Variants in KIF12 observed in about 807,000 individuals in gnomAD.
KIF12 encodes the protein kinesin-like protein KIF12.
Under a neutral mutation model 87.9 loss-of-function variants are expected in KIF12, and 80 were observed. The observed-to-expected ratio is 0.91, with a 90% CI of 0.76 to 1.10. The LOEUF is 1.10. Ranked by LOEUF, KIF12 falls within the 50% of genes least tolerant of loss-of-function variation. The probability of loss-of-function intolerance (pLI) is 0.00; values close to 1 mark genes in which losing one functional copy is unlikely to be tolerated. For missense variants in KIF12, 819 were observed against 865.3 expected (o/e 0.95, Z 0.67); for synonymous variants, 353 against 348.5 (o/e 1.01, Z -0.14).
At chr9:114,099,207 G>A (rs1266332294) in intron 1 of KIF12, 38 bp from the exon 2 acceptor site, 3 of 1,550,908 alleles carry the variant, frequency 1.9e-6, no homozygotes, top group Middle Eastern at 1.7e-4. Flanking sequence ...CCTGCACCTA[G>A]CGGCTGTTCA....
Position 114,092,602 on chromosome 9 carries a change from G to C in KIF12, c.1637C>G (p.Ala546Gly). The C allele has an allele frequency of 2.5e-6, 4 of 1,601,756 alleles. No individual in the cohort carries two copies. Among genetic ancestry groups the C allele is most frequent in the Non-Finnish European group, 3.4e-6 (4 of 1,176,358 alleles). Residue 546 changes from alanine to glycine, a missense_variant, in exon 17 of 19, where the codon GCC (alanine) becomes GGC (glycine). Physicochemically the swap from Ala to Gly is moderately conservative, Grantham distance 60. Transcript: ENST00000640217. The stretch of plus-strand genomic sequence containing the variant: ...TGGGGGTGCCCAGGGTGGGGGCCGG[G>C]CAGATGGGGGCCTGCCACCTGAGGC... ...PEASGGRPPS[A>G]RPPPWAPPCS... is the part of the protein sequence containing the mutation.
chr9:114,095,988 G>A, intron 9 of KIF12, 63 bp downstream of exon 9: 1 of 1,522,918 alleles, frequency 6.6e-7, no homozygotes, highest in Non-Finnish European at 8.9e-7. Flanking sequence ...CCCCACTGTG[G>A]AGAGCTGTGA....
rs35719524 is a variant in KIF12, at chr9:114,094,201, C to A, written c.1293G>T (p.Met431Ile). ...RNLYGMLQEFMLENERLRKEK... is the reference protein window; with the variant it reads ...RNLYGMLQEFILENERLRKEK... ...CCTACCTGAGCCTCTCATTCTCTAG[C>A]ATGAACTCCTGTAGCATCCCGTACA... The change falls in exon 13 of 19, where the codon ATG becomes ATT. Residue 431 changes from methionine (M) to isoleucine (I), a missense_variant. Met to Ile is a conservative substitution (Grantham distance 10). Coordinates refer to ENST00000640217, the MANE Select transcript of KIF12 (RefSeq NM_001388308.1). 0.16 allele frequency: 262,085 copies of A among 1,613,070 alleles called. 22,766 individuals carry two copies. Among genetic ancestry groups the A allele is most frequent in the Non-Finnish European group, 0.18 (213,766 of 1,179,358 alleles).
At chr9:114,098,857 A>G (rs1847361709) in intron 3 of KIF12, 78 bp downstream of exon 3, 2 of 1,487,836 alleles carry the variant, frequency 1.3e-6, no homozygotes, top group Admixed American at 2.0e-5. Flanking sequence ...CGCGGGGCCT[A>G]GGGCAAAGTT....
intron 7 of KIF12, 123 bp from the exon 8 acceptor site, chr9:114,096,601 G>T (rs1182688937): frequency 6.3e-6 from 5 of 790,340 alleles, no homozygotes; most frequent in Non-Finnish European, 1.1e-5. Flanking sequence ...GGAGGCAACA[G>T]AGTGGGTGTT....
Position 114,093,003 on chromosome 9 carries a change from G to A in KIF12, c.1596+226C>T, listed in dbSNP as rs41305479. 1.0e-3 allele frequency: 1,365 copies of A among 1,308,236 alleles called. 5 individuals are homozygous for A. Among genetic ancestry groups the A allele is most frequent in the Middle Eastern group, 5.7e-3 (21 of 3,682 alleles). The allele number at this position is 1,308,236 out of a possible 1,614,324, so 81.0% of individuals were successfully genotyped here. A position where few individuals can be genotyped will look rare whatever the true frequency, so the allele number is the denominator to read the frequency against. ...AGTAGATATGTGAGTGAATGAATAAGTGAATGACAGAATGAATTCCTGGCC... is the reference window on the plus strand; with the variant it reads ...AGTAGATATGTGAGTGAATGAATAAATGAATGACAGAATGAATTCCTGGCC... On this transcript the variant is annotated intron_variant, in intron 16 of 18. Coordinates refer to ENST00000640217, the MANE Select transcript of KIF12 (RefSeq NM_001388308.1).
At chr9:114,097,778 C>T in intron 5 of KIF12, 37 bp from the exon 6 acceptor site, 1 of 1,595,670 alleles carries the variant, frequency 6.3e-7, no homozygotes, top group Non-Finnish European at 8.5e-7. Context: ...GTCATCTCCA[C>T]AGTAATAACT....
At chr9:114,094,000 G>T in intron 13 of KIF12, 28 bp from the exon 14 acceptor site, 1 of 1,594,280 alleles carries the variant, frequency 6.3e-7, no homozygotes, top group Non-Finnish European at 8.6e-7. Context: ...CCAGGAAGGG[G>T]TAGGAAATGG....
intron 16 of KIF12, 97 bp downstream of exon 16, chr9:114,093,132 G>T (rs1295388447): frequency 4.8e-6 from 6 of 1,250,582 alleles, no homozygotes; most frequent in Non-Finnish European, 5.7e-6. Context: ...GATCTAGCCT[G>T]CAGCCCTGGA....
In KIF12 at chr9:114,094,396, C is replaced by T. The variant is rs775047921; in HGVS notation, c.1179G>A (p.Glu393=). ...LETEMLQLQE[E]NRRLQFQLDQ... is the part of the protein sequence containing the mutation. The stretch of plus-strand genomic sequence containing the variant: ...CCAGCTGGAACTGCAGGCGACGGTT[C>T]TCCTCCTGGAGCTGCAGCATCTCTG... The change falls in exon 12 of 19, where the codon GAG becomes GAA. Residue 393 remains glutamate, a synonymous_variant. Coordinates refer to ENST00000640217, the MANE Select transcript of KIF12 (RefSeq NM_001388308.1). The T allele has an allele frequency of 1.2e-5, 20 of 1,613,974 alleles. No individual in the cohort carries two copies. The East Asian group carries it at 4.0e-4, about 32-fold the overall frequency.
intron 3 of KIF12, among the ~76,000 whole-genome samples, 163 bp from the exon 4 acceptor site, chr9:114,098,592 C>G (rs1355928482): frequency 1.5e-5 from 1 of 65,984 alleles, no homozygotes; most frequent in East Asian, 4.4e-4. Context: ...GTGAGGCACT[C>G]GGTGGGCGAG....
intron 7 of KIF12, 34 bp downstream of exon 7, chr9:114,097,267 C>G: frequency 6.2e-7 from 1 of 1,600,938 alleles, no homozygotes. Context: ...AATGGGCACC[C>G]CTACCCGCAA....
chr9:114,098,911 G>A, intron 3 of KIF12, 24 bp downstream of exon 3: 5 of 1,542,926 alleles, frequency 3.2e-6, no homozygotes, highest in Non-Finnish European at 4.4e-6. Context: ...TTTTATTGGG[G>A]AGATAGAGAG....
At chr9:114,094,030 T>C (rs1438024167) in intron 13 of KIF12, 58 bp from the exon 14 acceptor site, 8 of 1,500,694 alleles carry the variant, frequency 5.3e-6, no homozygotes, top group South Asian at 3.4e-5. Context: ...GGGGCATCAG[T>C]CAGCTCCTCC....
rs370929774 is a variant in KIF12 at position 114,093,281 on chromosome 9, C to T, written c.1544G>A (p.Arg515Gln). ...CPCCHICPLCRVPLAHWACLP... is the reference protein window; with the variant it reads ...CPCCHICPLCQVPLAHWACLP... ...GCAGGCCCAGTGGGCCAGGGGCACTCGACACAGTGGGCAGATGTGGCAGCA... is the reference window on the plus strand; with the variant it reads ...GCAGGCCCAGTGGGCCAGGGGCACTTGACACAGTGGGCAGATGTGGCAGCA... The change falls in exon 16 of 19, where the codon CGA becomes CAA. Residue 515 changes from arginine to glutamine, a missense_variant. By Grantham distance (43) the Arg-to-Gln change is conservative. Transcript: ENST00000640217. 1.0e-4 allele frequency: 158 copies of T among 1,560,312 alleles called. No homozygotes were observed. Among genetic ancestry groups the T allele is most frequent in the Non-Finnish European group, 1.3e-4 (145 of 1,151,392 alleles).
At chr9:114,093,005 G>C (rs12347081) in intron 16 of KIF12, 291,468 of 1,285,502 alleles carry the variant, frequency 0.23, 38,471 homozygotes, top group East Asian at 0.59. Flanking sequence ...ATGAATAAGT[G>C]AATGACAGAA....
At position 114,095,113 on chromosome 9, in the gene KIF12, G is replaced by C; in HGVS notation, c.1029C>G (p.Ser343=). Residue 343 remains serine (S), a synonymous_variant, in exon 11 of 19, where the codon TCC becomes TCG. Transcript: ENST00000640217. ...RGVTLMVACV[S]PSAQCLPETL... ...TCTCAGGAAGGCACTGGGCTGAGGGGGACACGCAGGCCACCTGGGGAGTGC... is the reference window on the plus strand; with the variant it reads ...TCTCAGGAAGGCACTGGGCTGAGGGCGACACGCAGGCCACCTGGGGAGTGC... 6.2e-7 allele frequency: 1 copy of C among 1,607,528 alleles called. No homozygotes were observed. Among genetic ancestry groups the C allele is most frequent in the Non-Finnish European group, 8.5e-7 (1 of 1,176,660 alleles).
Position 114,097,409 on chromosome 9 carries a change from G to A in KIF12, c.538C>T (p.Pro180Ser), listed in dbSNP as rs1407356866. 6.2e-7 allele frequency: 1 copy of A among 1,601,728 alleles called. No homozygotes were observed. The highest frequency in any genetic ancestry group is 8.5e-7 in the Non-Finnish European group (1 of 1,176,262). The change falls in exon 7 of 19, where the codon CCC becomes TCC. Residue 180 changes from proline to serine, a missense_variant. Physicochemically the swap from Pro to Ser is moderately conservative, Grantham distance 74. Transcript: ENST00000640217. ...TTCCAGCGAACAGGGAGGGGCCGGG[G>A]AGACCCCAGGCTCAGCAAGTCCCGA... ...QVRDLLSLGS[P>S]RPLPVRWNKT...
chr9:114,096,258 G>C (rs765912638), intron 8 of KIF12, 51 bp from the exon 9 acceptor site: 2 of 1,610,060 alleles, frequency 1.2e-6, no homozygotes, highest in Admixed American at 3.3e-5. Flanking sequence ...CCCCATCAAA[G>C]CCACAAGGTT....
Sources: gnomAD v4.1 joint callset for allele counts (sites outside exome capture counted in the v4.1 genomes callset) on GRCh38, gnomAD v4.1.1 for gene constraint, MANE v1.5 for transcripts, NCBI Gene and HGNC (gene_info 2026-07-23, HGNC 2026-07-21) for gene names.